SCIN: variants seen among roughly 807,000 people sequenced by gnomAD.
SCIN encodes the protein scinderin.
SCIN carries 91 observed loss-of-function variants against 91.8 expected under a neutral mutation model. That is an observed-to-expected ratio of 0.99 (90% CI 0.84 to 1.18). The LOEUF (loss-of-function observed/expected upper bound fraction) is 1.18. SCIN is among the 50% of genes most tolerant of loss of function. The pLI is 0.00. For synonymous variants in SCIN, 367 were observed against 312.6 expected, an observed-to-expected ratio of 1.17 and a Z score of -1.84; for missense variants, 1,087 against 863.9, an observed-to-expected ratio of 1.26 and a Z score of -3.24.
intron 2 of SCIN, among the ~76,000 whole-genome samples, chr7:12,579,008 G>T (rs541363799): frequency 6.9e-6 from 1 of 145,970 alleles, no homozygotes; most frequent in African/African-American, 2.6e-5. Flanking sequence ...CAGTTAAAGT[G>T]TGAGGAATAC....
At chr7:12,619,215 C>T (rs776964403) in intron 4 of SCIN, among the ~76,000 whole-genome samples, 1 of 152,030 alleles carries the variant, frequency 6.6e-6, no homozygotes, top group Non-Finnish European at 1.5e-5. Context: ...CAAGGTCATG[C>T]ATCATTATTG....
At chr7:12,571,109 C>G (rs574529826) in intron 1 of SCIN, 124 bp downstream of exon 1, 9 of 1,096,402 alleles carry the variant, frequency 8.2e-6, no homozygotes, top group African/African-American at 3.2e-5. Context: ...CTCGCGCCCC[C>G]ACGGGGCTGC....
chr7:12,578,314 GGTTTTT>G, intron 2 of SCIN, 96 bp downstream of exon 2: 1 of 1,158,406 alleles, frequency 8.6e-7, no homozygotes, highest in Non-Finnish European at 1.2e-6. Flanking sequence ...TGAGGGCAGG[GGTTTTT>G]GTTTTATTTG....
At chr7:12,641,471 G>C (rs849768) in intron 11 of SCIN, among the ~76,000 whole-genome samples, 91,008 of 151,756 alleles carry the variant, frequency 0.6, 29,125 homozygotes, top group Non-Finnish European at 0.73. Flanking sequence ...CAGACTTTCC[G>C]TCCTCTAGAC....
intron 13 of SCIN, 65 bp downstream of exon 13, chr7:12,644,770 CT>C (rs1562634763): frequency 8.0e-5 from 120 of 1,497,002 alleles, no homozygotes; most frequent in Middle Eastern, 1.7e-4. Context: ...AATCCCAGCA[CT>C]TTGGGAGGCC....
chr7:12,601,016 G>A (rs1310313525), intron 3 of SCIN, among the ~76,000 whole-genome samples: 1 of 152,164 alleles, frequency 6.6e-6, no homozygotes. Flanking sequence ...AGAAGCAATA[G>A]AAGTGCACTA....
intron 13 of SCIN, among the ~76,000 whole-genome samples, chr7:12,648,342 G>C (rs1321521570): frequency 6.8e-6 from 1 of 146,802 alleles, no homozygotes; most frequent in Non-Finnish European, 1.5e-5. Flanking sequence ...TGTTGCCCAG[G>C]CTGGAGTGCA....
At chr7:12,600,735 G>A (rs914774577) in intron 3 of SCIN, among the ~76,000 whole-genome samples, 1 of 152,286 alleles carries the variant, frequency 6.6e-6, no homozygotes, top group African/African-American at 2.4e-5. Flanking sequence ...CACACTGGTT[G>A]AATGCTAGAA....
intron 2 of SCIN, among the ~76,000 whole-genome samples, chr7:12,579,032 A>G (rs1782436076): frequency 6.6e-6 from 1 of 150,624 alleles, no homozygotes; most frequent in Non-Finnish European, 1.5e-5. Context: ...CCCCAGACAA[A>G]CATCACAGAT....
At chr7:12,593,447 A>G (rs969507885) in intron 3 of SCIN, among the ~76,000 whole-genome samples, 2 of 152,166 alleles carry the variant, frequency 1.3e-5, no homozygotes, top group African/African-American at 2.4e-5. Context: ...TATTAAGAAC[A>G]ATAGTTCCTA....
intron 2 of SCIN, 61 bp downstream of exon 2, chr7:12,578,279 C>CT: frequency 1.4e-6 from 2 of 1,415,024 alleles, no homozygotes; most frequent in Non-Finnish European, 1.9e-6. Context: ...TCCATACCTC[C>CT]TGTCTTCATA....
At chr7:12,636,562 C>T (rs2691816) in intron 10 of SCIN, among the ~76,000 whole-genome samples, 36,216 of 151,938 alleles carry the variant, frequency 0.24, 4,893 homozygotes, top group South Asian at 0.42. Flanking sequence ...GAATTAAGGT[C>T]GGAGATGGAG....
intron 5 of SCIN, among the ~76,000 whole-genome samples, chr7:12,623,495 G>C (rs987549989): frequency 6.6e-6 from 1 of 152,158 alleles, no homozygotes; most frequent in South Asian, 2.1e-4. Context: ...AAGAAAGTAG[G>C]TTCCTTCCAA....
intron 9 of SCIN, among the ~76,000 whole-genome samples, chr7:12,631,125 A>G (rs562269941): frequency 3.2e-4 from 48 of 152,370 alleles, no homozygotes; most frequent in African/African-American, 1.1e-3. Context: ...CTATGTGGAC[A>G]TATTAAAATA....
intron 1 of SCIN, among the ~76,000 whole-genome samples, chr7:12,577,222 A>G (rs1392225289): frequency 1.3e-5 from 2 of 152,220 alleles, no homozygotes; most frequent in Admixed American, 6.5e-5. Context: ...TCATTCAAAC[A>G]GAACCAGTCA....
intron 13 of SCIN, among the ~76,000 whole-genome samples, chr7:12,646,899 CATTGAGATAA>C (rs1211363876): frequency 6.6e-6 from 1 of 152,122 alleles, no homozygotes; most frequent in Non-Finnish European, 1.5e-5. Context: ...TTAAACAGTG[CATTGAGATAA>C]ATATTTGGTT....
intron 1 of SCIN, chr7:12,577,700 T>G (rs938742181): frequency 2.4e-6 from 1 of 413,408 alleles, no homozygotes; most frequent in African/African-American, 2.1e-5. Context: ...AAACACTTTT[T>G]TGAGAATTAG....
At chr7:12,592,785 A>G (rs1782753845) in intron 3 of SCIN, among the ~76,000 whole-genome samples, 1 of 152,180 alleles carries the variant, frequency 6.6e-6, no homozygotes, top group South Asian at 2.1e-4. Flanking sequence ...AACCCCCACA[A>G]CTGAGACTTG....
At chr7:12,579,320 A>G (rs1452691298) in intron 2 of SCIN, among the ~76,000 whole-genome samples, 4 of 152,296 alleles carry the variant, frequency 2.6e-5, no homozygotes, top group East Asian at 3.9e-4. Context: ...TAGGCTATGA[A>G]CTACCCTAAA....
Sources: allele counts gnomAD v4.1 joint callset (sites outside exome capture counted in the v4.1 genomes callset), GRCh38; gene constraint gnomAD v4.1.1; transcripts MANE v1.5; gene names NCBI Gene and HGNC (gene_info 2026-07-23, HGNC 2026-07-21).